The following OXNAD1 variants were observed in gnomAD, a reference collection of about 807,000 sequenced individuals.
OXNAD1 encodes oxidoreductase NAD-binding domain-containing protein 1.
In OXNAD1, 34 loss-of-function variants were observed where a neutral mutation model predicts 32.9. The observed-to-expected ratio is 1.03, with a 90% confidence interval of 0.79 to 1.38. OXNAD1 has a LOEUF of 1.38. Ranked by LOEUF, OXNAD1 falls within the 40% of genes most tolerant of loss-of-function variation. The probability of loss-of-function intolerance (pLI) is 0.00; values close to 1 mark genes in which losing one functional copy is unlikely to be tolerated. For missense variants in OXNAD1, 407 were observed against 379.4 expected (o/e 1.07, Z -0.60); for synonymous variants, 134 against 135.2 (o/e 0.99, Z 0.06).
chr3:16,326,188 G>A (rs933291311), intron 9 of OXNAD1, among the ~76,000 whole-genome samples: 9 of 152,224 alleles, frequency 5.9e-5, no homozygotes, highest in East Asian at 1.9e-4. Context: ...TCAAGGGAGC[G>A]TAAGCAGAGC....
intron 9 of OXNAD1, among the ~76,000 whole-genome samples, chr3:16,323,628 C>A (rs777131797): frequency 6.6e-6 from 1 of 152,194 alleles, no homozygotes; most frequent in Admixed American, 6.5e-5. Flanking sequence ...AACCTTGCTT[C>A]CGAGGGGCTA....
At chr3:16,291,652 T>G (rs547167894) in intron 5 of OXNAD1, among the ~76,000 whole-genome samples, 3 of 152,224 alleles carry the variant, frequency 2.0e-5, no homozygotes, top group Non-Finnish European at 4.4e-5. Context: ...TGATGGACAT[T>G]TACATTGTTT....
In OXNAD1 at chr3:16,321,202, C is replaced by T. The variant is rs2069015328; in HGVS notation, c.*31-15910C>T. 6.6e-6 allele frequency among the ~76,000 whole-genome samples: 1 copy of T among 152,010 alleles called. No homozygotes were observed. Among genetic ancestry groups the T allele is most frequent in the African/African-American group, 2.4e-5 (1 of 41,360 alleles). On this transcript the variant is annotated intron_variant, in intron 9 of 9. Coordinates refer to the OXNAD1 transcript ENST00000435829. The surrounding 1 kb of genome is among the most constrained non-coding windows in gnomAD (Gnocchi z 4.8). ...GACAGTCATAGGTTTCCTCGAGCCA[C>T]AGGATGGATGGAGCTGGAGTCTTGG...
chr3:16,317,287 C>T lies in OXNAD1; in HGVS notation c.*30+13695C>T. 6.4e-7 allele frequency: 1 copy of T among 1,572,020 alleles called. No individual in the cohort carries two copies. The highest frequency in any genetic ancestry group is 8.6e-7 in the Non-Finnish European group (1 of 1,159,384). ...ACAAGCCTCCGGGAACCCAGAGCTT[C>T]ACCCAAAGCCTTGTTTGCATTCATA... is the stretch of plus-strand genomic sequence containing the variant. On this transcript the variant is annotated intron_variant, in intron 9 of 9. Transcript: ENST00000435829. This position sits in a 1 kb window ranked among gnomAD's most constrained non-coding sequence, Gnocchi z 4.3.
rs1199370076 is a variant in OXNAD1, at chr3:16,303,102, A to G, written c.785-306A>G. Among the ~76,000 whole-genome samples the G allele has an allele frequency of 1.3e-5, 2 of 152,246 alleles. No individual in the cohort carries two copies. The highest frequency in any genetic ancestry group is 4.8e-5 in the African/African-American group (2 of 41,468). ...TTTCCTCTGAAAGGATTTTTATAAA[A>G]CAGTTACTTCCTTTGCTGAAGGCAA... On this transcript the variant is annotated intron_variant, in intron 8 of 8. Transcript: ENST00000285083. The surrounding 1 kb of genome is among the most constrained non-coding windows in gnomAD (Gnocchi z 4.8).
At chr3:16,274,514 C>T (rs1200936173) in intron 4 of OXNAD1, among the ~76,000 whole-genome samples, 1 of 152,072 alleles carries the variant, frequency 6.6e-6, no homozygotes, top group Non-Finnish European at 1.5e-5. Context: ...GAGGATAATG[C>T]AATAGTTAAT....
In OXNAD1 at chr3:16,344,523, T is replaced by C. The variant is rs1249878106; in HGVS notation, c.*31-4653T>C. On this transcript the variant is annotated intron_variant, in intron 9 of 9. Coordinates refer to the OXNAD1 transcript ENST00000606098. The surrounding 1 kb of genome is among the most constrained non-coding windows in gnomAD (Gnocchi z 4.4). ...CCCCTCGCCCAACTAGAATGCTTTATGTGGAGCCCAAGAGCATCCATGTTC... is the reference window on the plus strand; with the variant it reads ...CCCCTCGCCCAACTAGAATGCTTTACGTGGAGCCCAAGAGCATCCATGTTC... 1.3e-5 allele frequency among the ~76,000 whole-genome samples: 2 copies of C among 152,104 alleles called. No homozygotes were observed. The highest frequency in any genetic ancestry group is 2.9e-5 in the Non-Finnish European group (2 of 68,010).
intron 9 of OXNAD1, among the ~76,000 whole-genome samples, chr3:16,330,863 C>A (rs768560418): frequency 1.3e-5 from 2 of 152,158 alleles, no homozygotes; most frequent in Non-Finnish European, 2.9e-5. Flanking sequence ...TTTAAAAGAT[C>A]TTCTATGCAG....
At chr3:16,342,290 A>G (rs182659779), downstream of OXNAD1, among the ~76,000 whole-genome samples, 2 of 152,274 alleles carry the variant, frequency 1.3e-5, no homozygotes, top group South Asian at 2.1e-4. This position sits in a 1 kb window ranked among gnomAD's most constrained non-coding sequence, Gnocchi z 4.0. Context: ...ATGGATTCAT[A>G]TAATATGTGG....
intron 4 of OXNAD1, chr3:16,272,326 G>A (rs374282072): frequency 2.6e-4 from 65 of 245,846 alleles, no homozygotes; most frequent in South Asian, 1.9e-3. Context: ...ACCTCAGTGA[G>A]TAACCCCATT....
chr3:16,285,792 A>G (rs1319535358), intron 4 of OXNAD1, among the ~76,000 whole-genome samples: 2 of 152,304 alleles, frequency 1.3e-5, no homozygotes, highest in Admixed American at 6.5e-5. Context: ...AAGAATGCAA[A>G]CCCATTTTGT....
intron 4 of OXNAD1, among the ~76,000 whole-genome samples, chr3:16,285,030 G>A (rs1398915547): frequency 6.6e-6 from 1 of 152,216 alleles, no homozygotes; most frequent in Non-Finnish European, 1.5e-5. Context: ...CTAGGACCAA[G>A]AGTGCAGGTA....
chr3:16,269,029 A>G (rs2064751465), intron 1 of OXNAD1, 97 bp from the exon 2 acceptor site: 4 of 1,146,156 alleles, frequency 3.5e-6, no homozygotes, highest in Admixed American at 3.7e-5. Context: ...GGTGATGCCT[A>G]CTGATTTTAA....
intron 4 of OXNAD1, among the ~76,000 whole-genome samples, chr3:16,281,854 T>C (rs2065761211): frequency 1.3e-5 from 2 of 151,590 alleles, no homozygotes; most frequent in Admixed American, 1.3e-4. Flanking sequence ...AACAGATTAT[T>C]ATATCGAAAG....
rs767997499 is a variant in OXNAD1, at chr3:16,271,011, G to A, written c.59G>A (p.Arg20His). The A allele has an allele frequency of 3.1e-6, 5 of 1,614,126 alleles. No homozygotes were observed. Among genetic ancestry groups the A allele is most frequent in the East Asian group, 2.2e-5 (1 of 44,886 alleles). Residue 20 changes from arginine to histidine, a missense_variant, in exon 3 of 9, where the codon CGT becomes CAT. Transcript: ENST00000285083. The surrounding 1 kb of genome is among the most constrained non-coding windows in gnomAD (Gnocchi z 4.6). ...TTGCGGTGCTCTGTTGGAGCCATCC[G>A]TATTGAGGCTGCGTCACTGAGATTG... The part of the protein sequence containing the change: ...GLLRCSVGAI[R>H]IEAASLRLTL...
At chr3:16,272,371 G>T (rs842260) in intron 4 of OXNAD1, 95,700 of 227,210 alleles carry the variant, frequency 0.42, 20,569 homozygotes, top group South Asian at 0.52. Flanking sequence ...ATTTGATTTT[G>T]CTTTTTTGAA....
chr3:16,308,962 A>G (rs2067765661), downstream of OXNAD1, among the ~76,000 whole-genome samples: 1 of 152,248 alleles, frequency 6.6e-6, no homozygotes, highest in Non-Finnish European at 1.5e-5. This position sits in a 1 kb window ranked among gnomAD's most constrained non-coding sequence, Gnocchi z 4.4. Flanking sequence ...ATGTGACCAC[A>G]AATATTAAAT....
At chr3:16,296,016 G>C (rs1317055797) in intron 6 of OXNAD1, among the ~76,000 whole-genome samples, 2 of 152,174 alleles carry the variant, frequency 1.3e-5, no homozygotes, top group Non-Finnish European at 2.9e-5. Flanking sequence ...AAAAATACAT[G>C]AGGGAGTGGG....
At chr3:16,294,640 A>C (rs541901947) in intron 5 of OXNAD1, among the ~76,000 whole-genome samples, 1 of 152,242 alleles carries the variant, frequency 6.6e-6, no homozygotes, top group South Asian at 2.1e-4. Context: ...GAATGTGTGC[A>C]TTTCATGTAA....
Sources: gnomAD v4.1 joint callset for allele counts (sites outside exome capture counted in the v4.1 genomes callset) on GRCh38, gnomAD v4.1.1 for gene constraint, Gnocchi (gnomAD v3.1) non-coding constraint, MANE v1.5 for transcripts, NCBI Gene and HGNC (gene_info 2026-07-23, HGNC 2026-07-21) for gene names.